VCAN: variants seen among roughly 807,000 people sequenced by gnomAD.
VCAN encodes versican.
In VCAN, 44 loss-of-function variants were observed where a neutral mutation model predicts 245.5. The observed-to-expected ratio is 0.18, with a 90% CI of 0.14 to 0.23. The LOEUF (loss-of-function observed/expected upper bound fraction) is 0.23, where lower values mean the gene tolerates loss of function less well. VCAN is among the 10% of genes least tolerant of loss of function. The pLI is 1.00. For missense variants in VCAN, 3,793 were observed against 4,057.9 expected, an observed-to-expected ratio of 0.93 and a Z score of 1.77; for synonymous variants, 1,413 against 1,437.0, an observed-to-expected ratio of 0.98 and a Z score of 0.38.
In VCAN at chr5:83,490,455, T is replaced by C; in HGVS notation, c.428T>C (p.Val143Ala). The C allele has an allele frequency of 6.2e-7, 1 of 1,614,090 alleles. No homozygotes were observed. Among genetic ancestry groups the C allele is most frequent in the Non-Finnish European group, 8.5e-7 (1 of 1,180,022 alleles). ...GGGATTGAAGACACACAAGACACGG[T>C]GTCACTGACTGTGGATGGTAAGGCT... Reference protein sequence around the residue: ...MYGIEDTQDTVSLTVDGVVFH... With the variant: ...MYGIEDTQDTASLTVDGVVFH... Residue 143 changes from valine (V) to alanine (A), a missense_variant, in exon 3 of 15, where the codon GTG (valine) becomes GCG (alanine). Physicochemically the swap from Val to Ala is moderately conservative, Grantham distance 64 (BLOSUM62 0). Coordinates refer to ENST00000265077, the MANE Select transcript of VCAN (RefSeq NM_004385.5).
intron 10 of VCAN, among the ~76,000 whole-genome samples, chr5:83,552,588 G>GA (rs1339047391): frequency 6.6e-6 from 1 of 152,004 alleles, no homozygotes; most frequent in African/African-American, 2.4e-5. Flanking sequence ...AGATATATTT[G>GA]AAAAATATTA....
chr5:83,560,718 G>A (rs1177244621), intron 12 of VCAN, among the ~76,000 whole-genome samples: 2 of 152,096 alleles, frequency 1.3e-5, no homozygotes, highest in Admixed American at 1.3e-4. Context: ...TCCAACAAGT[G>A]GTTTAAAATC....
intron 5 of VCAN, among the ~76,000 whole-genome samples, chr5:83,511,787 A>G (rs1745668377): frequency 6.6e-6 from 1 of 152,270 alleles, no homozygotes; most frequent in South Asian, 2.1e-4. Flanking sequence ...AATCTAAAGA[A>G]TCACTCAGAA....
chr5:83,518,242 A>T lies in VCAN; in HGVS notation c.1043-1107A>T, dbSNP rs1021697771. ...TTTATTTTTAAAAATACTGATTTTT[A>T]TTTTAAAAAAACAATCATTATATAG... is the stretch of plus-strand genomic sequence containing the variant. On this transcript the variant is annotated intron_variant, in intron 6 of 14. Transcript: ENST00000265077. Among the ~76,000 whole-genome samples, 3 of 140,386 alleles carry T rather than the reference A, an allele frequency of 2.1e-5. No homozygotes were observed. The East Asian group carries it at 7.4e-4, about 35-fold the overall frequency. The allele number at this position is 140,386 out of a possible 152,430, so 92.1% of individuals were successfully genotyped here.
At chr5:83,567,504 G>A (rs983922492) in intron 12 of VCAN, among the ~76,000 whole-genome samples, 2 of 151,934 alleles carry the variant, frequency 1.3e-5, no homozygotes, top group Non-Finnish European at 2.9e-5. Flanking sequence ...GTTTCACTAT[G>A]TTGGCCAGGC....
Position 83,581,730 on chromosome 5 carries a change from A to G in VCAN, c.*1296A>G, listed in dbSNP as rs572066915. ...CATTTCTTCCTGTTAGGTGGAGTGT[A>G]TGTGTTGACATTTCTCCCCATCTCT... On this transcript the variant is annotated 3_prime_UTR_variant, in exon 15 of 15. Transcript: ENST00000265077. The G allele has an allele frequency of 7.2e-5, 11 of 152,302 alleles. No homozygotes were observed. The highest frequency in any genetic ancestry group is 2.2e-4 in the African/African-American group (9 of 41,568). 9.4% of individuals were successfully genotyped at this position (152,302 alleles called of 1,614,324 possible).
At chr5:83,508,644 T>C (rs6877132) in intron 5 of VCAN, among the ~76,000 whole-genome samples, 3,565 of 152,326 alleles carry the variant, frequency 0.023, 126 homozygotes, top group African/African-American at 0.08. Context: ...CTCATTATTC[T>C]GAAATAAAGT....
rs2112406260 is a variant in VCAN at position 83,519,466 on chromosome 5, A to C, written c.1160A>C (p.Glu387Ala). Reference sequence around the variant, plus strand: ...ACACCAATCATCCCTTTAGTTGATGAATTACCTGTCATTCCAACAGAGTTC... The same window carrying C: ...ACACCAATCATCCCTTTAGTTGATGCATTACCTGTCATTCCAACAGAGTTC... ...RTTPIIPLVD[E>A]LPVIPTEFPP... is the part of the protein sequence containing the mutation. The change falls in exon 7 of 15, where the codon GAA (glutamate) becomes GCA (alanine). Residue 387 changes from glutamate to alanine, a missense_variant. Transcript: ENST00000265077. 1.2e-6 allele frequency: 2 copies of C among 1,614,170 alleles called. No individual in the cohort carries two copies. The highest frequency in any genetic ancestry group is 1.1e-5 in the South Asian group (1 of 91,082).
At chr5:83,514,881 C>T (rs746990162) in intron 6 of VCAN, among the ~76,000 whole-genome samples, 6 of 152,202 alleles carry the variant, frequency 3.9e-5, no homozygotes, top group Non-Finnish European at 8.8e-5. Flanking sequence ...GTCATGGCCT[C>T]AGCTACAGTT....
In VCAN at chr5:83,522,224, G is replaced by T; in HGVS notation, c.3918G>T (p.Ala1306=). ...VEDKEAFGPQ[A]LSTPQPPAST... ...ACAAAGAGGCCTTTGGACCTCAGGC[G>T]CTTTCTACGCCACAGCCCCCAGCAA... Residue 1306 remains alanine (A), a synonymous_variant, in exon 7 of 15, where the codon GCG becomes GCT. Transcript: ENST00000265077. The T allele has an allele frequency of 1.9e-6, 3 of 1,601,974 alleles. No individual in the cohort carries two copies. Among genetic ancestry groups the T allele is most frequent in the Non-Finnish European group, 2.5e-6 (3 of 1,179,710 alleles).
At chr5:83,493,981 G>C (rs768939566) in intron 5 of VCAN, 50 bp downstream of exon 5, 1 of 1,612,670 alleles carries the variant, frequency 6.2e-7, no homozygotes, top group South Asian at 1.1e-5. Context: ...AAAACTGAGG[G>C]AAGACCAGAA....
chr5:83,564,278 G>A (rs1019227322), intron 12 of VCAN, among the ~76,000 whole-genome samples: 13 of 152,016 alleles, frequency 8.6e-5, no homozygotes, highest in Non-Finnish European at 1.5e-4. Context: ...TGGTGTAGCC[G>A]TTAATTCATA....
In VCAN at chr5:83,538,689, G is replaced by C; in HGVS notation, c.5686G>C (p.Ala1896Pro). 1 of 1,614,074 alleles carries C rather than the reference G, an allele frequency of 6.2e-7. No homozygotes were observed. Among genetic ancestry groups the C allele is most frequent in the Non-Finnish European group, 8.5e-7 (1 of 1,179,956 alleles). ...VLSTVMDRVV[A>P]ENITQTSREI... ...GAGTACAGTAATGGACAGAGTAGTTGCTGAAAATATAACCCAAACATCCAG... is the reference window on the plus strand; with the variant it reads ...GAGTACAGTAATGGACAGAGTAGTTCCTGAAAATATAACCCAAACATCCAG... The change falls in exon 8 of 15, where the codon GCT (alanine) becomes CCT (proline). Residue 1896 changes from alanine (A) to proline (P), a missense_variant. Around this residue, in one of 5 missense-constraint regions of VCAN, gnomAD observed 3,182 missense variants for 3,250.3 expected, o/e 0.98. Transcript: ENST00000265077.
chr5:83,487,233 C>T (rs961157217), intron 2 of VCAN, among the ~76,000 whole-genome samples: 10 of 152,084 alleles, frequency 6.6e-5, no homozygotes, highest in Non-Finnish European at 1.3e-4. Flanking sequence ...CTCAATTTGA[C>T]ATTTATTTGG....
chr5:83,525,207 A>G (rs536714199), intron 7 of VCAN, among the ~76,000 whole-genome samples: 41 of 152,128 alleles, frequency 2.7e-4, no homozygotes, highest in Non-Finnish European at 5.9e-5. Context: ...TTCAGCTCAT[A>G]AAAGTTTTAT....
At position 83,579,987 on chromosome 5, in the gene VCAN, C is replaced by T. The variant is rs758458805; in HGVS notation, c.9888C>T (p.Cys3296=). ...CAATTTGCTTTCCTTTAGTCGCTTG[C>T]GGCCAGCCCCCTGTTGTAGAAAATG... ...TYTCKKGTVA[C]GQPPVVENAK... The change falls in exon 14 of 15, where the codon TGC becomes TGT. Residue 3296 remains cysteine (C), a synonymous_variant. Transcript: ENST00000265077. The T allele has an allele frequency of 1.9e-5, 30 of 1,613,882 alleles. No individual in the cohort carries two copies. Among genetic ancestry groups the T allele is most frequent in the African/African-American group, 8.0e-5 (6 of 74,896 alleles).
chr5:83,533,173 T>G (rs1409720661), intron 7 of VCAN, among the ~76,000 whole-genome samples: 1 of 152,186 alleles, frequency 6.6e-6, no homozygotes, highest in African/African-American at 2.4e-5. Flanking sequence ...TATTTTGATG[T>G]GCTGCCAGCT....
rs1271269610 is a variant in VCAN at position 83,538,395 on chromosome 5, A to C, written c.5392A>C (p.Thr1798Pro). ...DSTPVFTETN[T>P]LENLGAQTTE... ...TACTCCTGTCTTTACAGAAACAAAT[A>C]CATTAGAAAATTTGGGGGCACAGAC... The change falls in exon 8 of 15, where the codon ACA becomes CCA. Residue 1798 changes from threonine to proline, a missense_variant. By Grantham distance (38) the Thr-to-Pro change is conservative. Around this residue, in one of 5 missense-constraint regions of VCAN, gnomAD observed 3,182 missense variants for 3,250.3 expected, o/e 0.98. Transcript: ENST00000265077. 1 of 1,614,016 alleles carries C rather than the reference A, an allele frequency of 6.2e-7. No homozygotes were observed. The highest frequency in any genetic ancestry group is 8.5e-7 in the Non-Finnish European group (1 of 1,179,960).
chr5:83,538,730 A>G lies in VCAN; in HGVS notation c.5727A>G (p.Ser1909=). The G allele has an allele frequency of 1.2e-6, 2 of 1,614,114 alleles. No homozygotes were observed. The highest frequency in any genetic ancestry group is 1.7e-6 in the Non-Finnish European group (2 of 1,179,974). The change falls in exon 8 of 15, where the codon TCA becomes TCG. Residue 1909 remains serine (S), a synonymous_variant. Coordinates refer to ENST00000265077, the MANE Select transcript of VCAN (RefSeq NM_004385.5). ...AAACATCCAGGGAAATAGTGATTTC[A>G]GAGCGATTAGGAGAACCAAATTATG... is the stretch of plus-strand genomic sequence containing the variant. ...ITQTSREIVI[S]ERLGEPNYGA...
Sources: gnomAD v4.1 joint callset for allele counts (sites outside exome capture counted in the v4.1 genomes callset) on GRCh38, gnomAD v4.1.1 for gene constraint, gnomAD v4.1.1 regional missense constraint, MANE v1.5 for transcripts, NCBI Gene and HGNC (gene_info 2026-07-23, HGNC 2026-07-21) for gene names.